The following PNPLA5 variants were observed in gnomAD, a reference collection of about 807,000 sequenced individuals.
The protein encoded by PNPLA5 is patatin-like phospholipase domain-containing protein 5.
A neutral mutation model predicts 49.1 loss-of-function variants in PNPLA5; 44 were observed. The observed-to-expected ratio is 0.90, with a 90% CI of 0.70 to 1.15. The LOEUF (loss-of-function observed/expected upper bound fraction) is 1.15, where lower values mean the gene tolerates loss of function less well. PNPLA5 is among the 50% of genes most tolerant of loss of function. PNPLA5 has a pLI of 0.00. For synonymous variants in PNPLA5, 243 were observed against 244.4 expected (o/e 0.99, Z 0.06); for missense variants, 603 against 564.0 (o/e 1.07, Z -0.70).
chr22:43,887,069 G>A (rs1420706214), intron 5 of PNPLA5, among the ~76,000 whole-genome samples: 1 of 117,064 alleles, frequency 8.5e-6, no homozygotes, highest in Non-Finnish European at 1.8e-5. Context: ...ACTGCCCCAT[G>A]AACACACACA....
At chr22:43,887,810 A>ATTCAACAG (rs1556478249) in intron 4 of PNPLA5, 159 bp from the exon 5 acceptor site, 11 of 390,582 alleles carry the variant, frequency 2.8e-5, no homozygotes, top group Non-Finnish European at 3.3e-5. Flanking sequence ...GAGCCTGGGC[A>ATTCAACAG]GGACCTTAGC....
intron 8 of PNPLA5, 79 bp from the exon 9 acceptor site, chr22:43,880,964 C>T (rs2049604107): frequency 2.4e-6 from 3 of 1,266,976 alleles, no homozygotes; most frequent in Non-Finnish European, 3.0e-6. Flanking sequence ...GCAGGCGCAG[C>T]CACAGTGAAC....
chr22:43,889,264 G>A, intron 4 of PNPLA5, 65 bp downstream of exon 4: 2 of 1,571,532 alleles, frequency 1.3e-6, no homozygotes, highest in Non-Finnish European at 1.7e-6. Flanking sequence ...GGAGCACACA[G>A]AGTCTGACTC....
chr22:43,881,949 G>C (rs371204791), intron 7 of PNPLA5, among the ~76,000 whole-genome samples: 1 of 152,228 alleles, frequency 6.6e-6, no homozygotes, highest in Non-Finnish European at 1.5e-5. Flanking sequence ...AGTAGGAAGC[G>C]CAGGGAGGGA....
rs1341414280 is a variant in PNPLA5, at chr22:43,889,819, G to A, written c.472C>T (p.Pro158Ser). ...LYFPFYCGLI[P>S]PEFRGERYID... ...CTCACCTCCCCTCTGAACTCGGGGGGGATCAGCCCGCAGTAGAAAGGAAAG... is the reference window on the plus strand; with the variant it reads ...CTCACCTCCCCTCTGAACTCGGGGGAGATCAGCCCGCAGTAGAAAGGAAAG... Residue 158 changes from proline to serine, a missense_variant, in exon 3 of 9, where the codon CCC becomes TCC. By Grantham distance (74) the Pro-to-Ser change is moderately conservative. Coordinates refer to ENST00000216177, the MANE Select transcript of PNPLA5 (RefSeq NM_138814.4). 3 of 1,613,304 alleles carry A rather than the reference G, an allele frequency of 1.9e-6. No individual in the cohort carries two copies. Among genetic ancestry groups the A allele is most frequent in the Admixed American group, 1.7e-5 (1 of 59,992 alleles).
intron 8 of PNPLA5, 30 bp downstream of exon 8, chr22:43,881,528 C>T: frequency 6.5e-7 from 1 of 1,547,436 alleles, no homozygotes; most frequent in Non-Finnish European, 8.7e-7. Context: ...CAGCCACCCC[C>T]TCTCCATCCC....
chr22:43,883,037 T>C (rs1016532892), intron 7 of PNPLA5, among the ~76,000 whole-genome samples: 3 of 152,158 alleles, frequency 2.0e-5, no homozygotes, highest in African/African-American at 7.2e-5. Context: ...CCAGCTTTAC[T>C]GGCCTCCCTT....
chr22:43,886,444 G>C lies in PNPLA5; in HGVS notation c.808C>G (p.Pro270Ala). ...CAGTTTCCGTCAGCCGGGGCTGGGG[G>C]TTCCTTAGACACCAGCGTCCATAGC... Reference protein sequence around the residue: ...PVLWTLVSKEPPAPADGNWDA... With the variant: ...PVLWTLVSKEAPAPADGNWDA... The change falls in exon 6 of 9, where the codon CCC (proline) becomes GCC (alanine). Residue 270 changes from proline to alanine, a missense_variant. By Grantham distance (27) the Pro-to-Ala change is conservative. Transcript: ENST00000216177. The C allele has an allele frequency of 6.2e-7, 1 of 1,614,120 alleles. No homozygotes were observed. The highest frequency in any genetic ancestry group is 8.5e-7 in the Non-Finnish European group (1 of 1,179,996).
At position 43,891,259 on chromosome 22, in the gene PNPLA5, G is replaced by T; in HGVS notation, c.229C>A (p.Gln77Lys). Residue 77 changes from glutamine to lysine, a missense_variant, in exon 2 of 9, where the codon CAG (glutamine) becomes AAG (lysine). Gln to Lys is a moderately conservative substitution (Grantham distance 53). Coordinates refer to ENST00000216177, the MANE Select transcript of PNPLA5 (RefSeq NM_138814.4). ...ATGCTTAGGCTCAGCCGCTCCAACT[G>T]CCCAACCATGCCCAGGAGGTGGGAG... The part of the protein sequence containing the change: ...CCSHLLGMVG[Q>K]LERLSLSILH... 6.4e-7 allele frequency: 1 copy of T among 1,556,468 alleles called. No individual in the cohort carries two copies. The highest frequency in any genetic ancestry group is 8.7e-7 in the Non-Finnish European group (1 of 1,150,400).
At chr22:43,889,924 C>A in intron 2 of PNPLA5, 60 bp from the exon 3 acceptor site, 2 of 1,587,626 alleles carry the variant, frequency 1.3e-6, no homozygotes, top group Non-Finnish European at 1.7e-6. Flanking sequence ...TCAGAACCTT[C>A]CTAGGCACGG....
intron 7 of PNPLA5, among the ~76,000 whole-genome samples, chr22:43,882,512 C>G (rs2049620993): frequency 6.6e-6 from 1 of 152,252 alleles, no homozygotes; most frequent in African/African-American, 2.4e-5. Flanking sequence ...ATAAGCTGGA[C>G]TGTCACCTCC....
intron 5 of PNPLA5, among the ~76,000 whole-genome samples, chr22:43,887,093 C>T (rs200184785): frequency 1.5e-5 from 2 of 134,898 alleles, no homozygotes; most frequent in African/African-American, 5.2e-5. Context: ...ACACACACAC[C>T]CCTCCTGCCA....
chr22:43,884,914 T>A (rs1327562502), intron 6 of PNPLA5, among the ~76,000 whole-genome samples: 1 of 152,112 alleles, frequency 6.6e-6, no homozygotes, highest in Admixed American at 6.5e-5. Flanking sequence ...GGCCACCACG[T>A]CCACTCTGGC....
At chr22:43,882,057 G>T (rs2049616040) in intron 7 of PNPLA5, among the ~76,000 whole-genome samples, 1 of 152,164 alleles carries the variant, frequency 6.6e-6, no homozygotes, top group Admixed American at 6.5e-5. Context: ...CCTGTCAAAT[G>T]AGGACAGTCA....
chr22:43,882,906 T>G (rs527894258), intron 7 of PNPLA5, among the ~76,000 whole-genome samples: 2 of 152,244 alleles, frequency 1.3e-5, no homozygotes, highest in Non-Finnish European at 2.9e-5. Flanking sequence ...CCTCCCTGCT[T>G]AAACCCTTCC....
chr22:43,884,976 A>G (rs2049647486), intron 6 of PNPLA5, among the ~76,000 whole-genome samples: 1 of 152,258 alleles, frequency 6.6e-6, no homozygotes, highest in African/African-American at 2.4e-5. Context: ...AGCACAGGCC[A>G]GAGACCCTGC....
At chr22:43,882,749 G>A (rs954587717) in intron 7 of PNPLA5, among the ~76,000 whole-genome samples, 2 of 152,208 alleles carry the variant, frequency 1.3e-5, no homozygotes, top group Non-Finnish European at 2.9e-5. Flanking sequence ...TCGGTAGAAA[G>A]CTCTCTCCTG....
In PNPLA5 at chr22:43,891,218, G is replaced by A. The variant is rs764772499; in HGVS notation, c.270C>T (p.Tyr90=). The A allele has an allele frequency of 7.0e-6, 11 of 1,576,724 alleles. No homozygotes were observed. Among genetic ancestry groups the A allele is most frequent in the South Asian group, 1.2e-5 (1 of 86,082 alleles). Residue 90 remains tyrosine, a synonymous_variant, in exon 2 of 9, where the codon TAC becomes TAT. Coordinates refer to ENST00000216177, the MANE Select transcript of PNPLA5 (RefSeq NM_138814.4). ...RLSLSILHPA[Y]APIEHVKQQL... ...GCTGCTTGACGTGCTCGATGGGCGC[G>A]TAGGCCGGGTGCAGGATGCTTAGGC...
At chr22:43,889,729 C>T in intron 3 of PNPLA5, 70 bp downstream of exon 3, 1 of 1,555,032 alleles carries the variant, frequency 6.4e-7, no homozygotes, top group Non-Finnish European at 8.7e-7. Flanking sequence ...TTTCCTCCAC[C>T]CAAGCACCTC....
Sources: gnomAD v4.1 joint callset for allele counts (sites outside exome capture counted in the v4.1 genomes callset) on GRCh38, gnomAD v4.1.1 for gene constraint, MANE v1.5 for transcripts, NCBI Gene and HGNC (gene_info 2026-07-23, HGNC 2026-07-21) for gene names.